The following VWA8 variants were observed in gnomAD, a reference collection of about 807,000 sequenced individuals.
VWA8 encodes von Willebrand factor A domain-containing protein 8.
A neutral mutation model predicts 241.5 loss-of-function variants in VWA8; 221 were observed. The ratio of observed to expected loss-of-function variants is 0.91; its 90% CI spans 0.82 to 1.02. The LOEUF (loss-of-function observed/expected upper bound fraction) is 1.02. Ranked by LOEUF, VWA8 falls within the 50% of genes least tolerant of loss-of-function variation. The pLI is 0.00. For missense variants in VWA8, 2,322 were observed against 2,328.7 expected (o/e 1.00, Z 0.06); for synonymous variants, 852 against 827.1 (o/e 1.03, Z -0.52).
At chr13:41,789,325 ATTACTCT>A in intron 17 of VWA8, among the ~76,000 whole-genome samples, 1 of 152,288 alleles carries the variant, frequency 6.6e-6, no homozygotes, top group East Asian at 1.9e-4. Flanking sequence ...TGAATGAAAT[ATTACTCT>A]TTACTATCCT....
chr13:41,770,735 T>C (rs1239412393), intron 20 of VWA8, among the ~76,000 whole-genome samples: 1 of 151,966 alleles, frequency 6.6e-6, no homozygotes, highest in African/African-American at 2.4e-5. Flanking sequence ...AGGCATCCTG[T>C]ATGAAAATCA....
At chr13:41,715,515 T>C (rs1249122926) in intron 26 of VWA8, among the ~76,000 whole-genome samples, 4 of 152,026 alleles carry the variant, frequency 2.6e-5, no homozygotes, top group Admixed American at 6.6e-5. Context: ...AACACACTTT[T>C]TAATTTGGAA....
Position 41,890,049 on chromosome 13 carries a change from A to C in VWA8, c.651+1371T>G, listed in dbSNP as rs540617446. Among the ~76,000 whole-genome samples the C allele has an allele frequency of 5.9e-5, 9 of 152,368 alleles. No homozygotes were observed. In the East Asian group the frequency reaches 1.5e-3, roughly 26 times the overall value. On this transcript the variant is annotated intron_variant, in intron 5 of 44. Coordinates refer to ENST00000379310, the MANE Select transcript of VWA8 (RefSeq NM_015058.2). Reference sequence around the variant, plus strand: ...AATCCTTGATTATCTCCTTCTGATTATATCAGAACAAGATGTTCCATGAAT... The same window carrying C: ...AATCCTTGATTATCTCCTTCTGATTCTATCAGAACAAGATGTTCCATGAAT...
At position 41,801,785 on chromosome 13, in the gene VWA8, T is replaced by A. The variant is rs112434046; in HGVS notation, c.2063+9440A>T. ...ATGCAAATTTTAGAGGCAATAAGTG[T>A]AATAGTGCTAAAGAGCCCTAGCTCA... On this transcript the variant is annotated intron_variant, in intron 17 of 44. Transcript: ENST00000379310. Among the ~76,000 whole-genome samples, 553 of 152,326 alleles carry A rather than the reference T, an allele frequency of 3.6e-3. 3 individuals are homozygous for A. Among genetic ancestry groups the A allele is most frequent in the African/African-American group, 0.013 (525 of 41,558 alleles).
chr13:41,652,874 T>A (rs1049976497), intron 37 of VWA8, among the ~76,000 whole-genome samples: 2 of 152,174 alleles, frequency 1.3e-5, no homozygotes, highest in African/African-American at 4.8e-5. Context: ...AACTTCCAAA[T>A]ATAGTGAAAT....
chr13:41,836,037 G>GGGGC (rs1488289463), intron 12 of VWA8, among the ~76,000 whole-genome samples: 2 of 152,090 alleles, frequency 1.3e-5, no homozygotes, highest in Non-Finnish European at 2.9e-5. Context: ...GGGCCAACAT[G>GGGGC]GGGCCTACCA....
intron 19 of VWA8, among the ~76,000 whole-genome samples, chr13:41,780,811 TCTC>T (rs1274615058): frequency 1.2e-4 from 19 of 152,228 alleles, no homozygotes; most frequent in Middle Eastern, 3.4e-3. Flanking sequence ...CTCCTACCAC[TCTC>T]CTTTTATACT....
At chr13:41,912,312 A>AAT (rs1209394467) in intron 2 of VWA8, 144 bp from the exon 3 acceptor site, 2 of 573,032 alleles carry the variant, frequency 3.5e-6, no homozygotes, top group East Asian at 4.1e-5. Flanking sequence ...TATGTATATA[A>AAT]ATATATATAA....
intron 5 of VWA8, among the ~76,000 whole-genome samples, chr13:41,888,198 T>C (rs931759474): frequency 6.6e-6 from 1 of 152,202 alleles, no homozygotes; most frequent in Non-Finnish European, 1.5e-5. Context: ...TTAAATCTCA[T>C]TTCCTTCCTT....
At chr13:41,919,647 T>C (rs553494174) in intron 2 of VWA8, among the ~76,000 whole-genome samples, 6 of 152,134 alleles carry the variant, frequency 3.9e-5, no homozygotes, top group African/African-American at 1.2e-4. Flanking sequence ...ATCCCAGACA[T>C]TGGTGTACCC....
chr13:41,739,579 C>T (rs1460274983), intron 21 of VWA8, among the ~76,000 whole-genome samples: 3 of 152,078 alleles, frequency 2.0e-5, no homozygotes, highest in Non-Finnish European at 4.4e-5. Context: ...GTTTATCAGA[C>T]TTTAACCACC....
At chr13:41,743,815 T>C (rs1049149372) in intron 21 of VWA8, among the ~76,000 whole-genome samples, 1 of 152,204 alleles carries the variant, frequency 6.6e-6, no homozygotes, top group Non-Finnish European at 1.5e-5. Context: ...TGTCATTCTG[T>C]TCATTGTTGT....
At chr13:41,774,225 C>T (rs1463495410) in intron 20 of VWA8, among the ~76,000 whole-genome samples, 1 of 152,108 alleles carries the variant, frequency 6.6e-6, no homozygotes, top group East Asian at 1.9e-4. Context: ...CTGCAGCCTC[C>T]GTCTCCCAGG....
chr13:41,884,906 CATA>C (rs1874446500), intron 8 of VWA8, among the ~76,000 whole-genome samples: 1 of 150,734 alleles, frequency 6.6e-6, no homozygotes. Flanking sequence ...TACATACATA[CATA>C]CATACATACA....
At chr13:41,681,135 G>A (rs1593693611) in intron 35 of VWA8, among the ~76,000 whole-genome samples, 1 of 152,092 alleles carries the variant, frequency 6.6e-6, no homozygotes, top group Admixed American at 6.6e-5. Context: ...GATCACTCTC[G>A]GCTGCTCTCA....
chr13:41,941,032 C>G (rs906861582), intron 2 of VWA8, among the ~76,000 whole-genome samples: 1 of 152,068 alleles, frequency 6.6e-6, no homozygotes, highest in African/African-American at 2.4e-5. Flanking sequence ...GTTTTGATTA[C>G]CTAGAGGGTG....
At chr13:41,599,838 C>T (rs1325102266) in intron 40 of VWA8, among the ~76,000 whole-genome samples, 2 of 152,150 alleles carry the variant, frequency 1.3e-5, no homozygotes, top group Admixed American at 6.6e-5. Context: ...TAAGTTGGGG[C>T]TGGTCTGGCC....
intron 24 of VWA8, among the ~76,000 whole-genome samples, chr13:41,722,458 C>T (rs1316419267): frequency 3.3e-5 from 5 of 151,706 alleles, no homozygotes; most frequent in Admixed American, 6.6e-5. Context: ...GATTTAGGAA[C>T]CATTTGAACA....
chr13:41,768,846 T>G (rs1185425276), intron 20 of VWA8, among the ~76,000 whole-genome samples: 1 of 151,962 alleles, frequency 6.6e-6, no homozygotes, highest in Non-Finnish European at 1.5e-5. Context: ...TCAACTAAAT[T>G]CAATGACCAG....
Sources: allele counts gnomAD v4.1 joint callset (sites outside exome capture counted in the v4.1 genomes callset), GRCh38; gene constraint gnomAD v4.1.1; transcripts MANE v1.5; gene names NCBI Gene and HGNC (gene_info 2026-07-23, HGNC 2026-07-21).